Variants in VPS13B observed in about 807,000 individuals in gnomAD.
VPS13B encodes vacuolar protein sorting 13 homolog B.
Under a neutral mutation model 426.4 loss-of-function variants are expected in VPS13B, and 285 were observed. That is an observed-to-expected ratio of 0.67 (90% CI 0.61 to 0.74). The LOEUF (loss-of-function observed/expected upper bound fraction) is 0.74. VPS13B is among the 30% of genes least tolerant of loss of function. VPS13B has a pLI of 0.00. For synonymous variants in VPS13B, 1,676 were observed against 1,676.4 expected, an observed-to-expected ratio of 1.00 and a Z score of 0.01; for missense variants, 4,537 against 4,782.6, an observed-to-expected ratio of 0.95 and a Z score of 1.51.
intron 30 of VPS13B, among the ~76,000 whole-genome samples, chr8:99,531,300 TGC>T (rs1262789891): frequency 6.6e-6 from 1 of 152,244 alleles, no homozygotes; most frequent in Non-Finnish European, 1.5e-5. Flanking sequence ...TGATTTTGAT[TGC>T]CATCAAGGTT....
At chr8:99,439,390 T>C (rs1817567873) in intron 22 of VPS13B, among the ~76,000 whole-genome samples, 1 of 152,114 alleles carries the variant, frequency 6.6e-6, no homozygotes, top group Non-Finnish European at 1.5e-5. Context: ...GTTTTAAGCT[T>C]TTTTAGGGCT....
chr8:99,200,433 T>C (rs1157838628), intron 17 of VPS13B, among the ~76,000 whole-genome samples: 1 of 152,128 alleles, frequency 6.6e-6, no homozygotes, highest in Non-Finnish European at 1.5e-5. Flanking sequence ...TAAATATAAT[T>C]GCTGGGTCAT....
intron 6 of VPS13B, among the ~76,000 whole-genome samples, chr8:99,111,899 G>C (rs1847389751): frequency 6.6e-6 from 1 of 152,092 alleles, no homozygotes; most frequent in African/African-American, 2.4e-5. Context: ...CCATCATCCA[G>C]ATAGTGAACA....
chr8:99,734,491 T>C (rs1833737619), intron 39 of VPS13B, among the ~76,000 whole-genome samples: 1 of 152,220 alleles, frequency 6.6e-6, no homozygotes, highest in South Asian at 2.1e-4. Flanking sequence ...GTAAGTGTTA[T>C]AACTAAAGGC....
At chr8:99,350,144 G>T (rs192886504) in intron 19 of VPS13B, among the ~76,000 whole-genome samples, 62 of 152,064 alleles carry the variant, frequency 4.1e-4, no homozygotes, top group African/African-American at 1.3e-3. Flanking sequence ...CAAGATGATG[G>T]CTTTTCAAAC....
chr8:99,227,888 A>G (rs1021071974), intron 17 of VPS13B, among the ~76,000 whole-genome samples: 7 of 152,140 alleles, frequency 4.6e-5, no homozygotes, highest in African/African-American at 7.2e-5. Flanking sequence ...TGATGACCCA[A>G]TGCTTAAGTT....
At chr8:99,826,206 G>A (rs1814673689) in intron 51 of VPS13B, among the ~76,000 whole-genome samples, 1 of 152,186 alleles carries the variant, frequency 6.6e-6, no homozygotes, top group African/African-American at 2.4e-5. Flanking sequence ...CCATGAGCAT[G>A]GAATGTTTTT....
chr8:99,190,108 A>G (rs1292534568), intron 16 of VPS13B, among the ~76,000 whole-genome samples: 1 of 152,110 alleles, frequency 6.6e-6, no homozygotes, highest in Non-Finnish European at 1.5e-5. Context: ...TGTATTTCGG[A>G]GATGTGTAGT....
chr8:99,763,805 G>A (rs1811066157), intron 39 of VPS13B, among the ~76,000 whole-genome samples: 3 of 152,142 alleles, frequency 2.0e-5, no homozygotes, highest in South Asian at 4.1e-4. Context: ...TAATGCCATG[G>A]ATATGTCACT....
At chr8:99,593,773 T>G (rs1427838804) in intron 33 of VPS13B, among the ~76,000 whole-genome samples, 1 of 151,980 alleles carries the variant, frequency 6.6e-6, no homozygotes, top group Non-Finnish European at 1.5e-5. Context: ...TGGATGGAGT[T>G]TAAAGCCATT....
intron 3 of VPS13B, among the ~76,000 whole-genome samples, chr8:99,092,341 T>C (rs1186918116): frequency 6.6e-6 from 1 of 152,142 alleles, no homozygotes; most frequent in Non-Finnish European, 1.5e-5. Context: ...TTTTGGAAAA[T>C]TGCAACCTAA....
At chr8:99,169,246 T>C (rs1382929225) in intron 15 of VPS13B, among the ~76,000 whole-genome samples, 1 of 152,056 alleles carries the variant, frequency 6.6e-6, no homozygotes, top group African/African-American at 2.4e-5. Context: ...TATCCATGTG[T>C]GTATTTCCAC....
chr8:99,364,065 A>AT (rs1307189077), intron 19 of VPS13B, among the ~76,000 whole-genome samples: 5 of 151,922 alleles, frequency 3.3e-5, no homozygotes, highest in Non-Finnish European at 7.4e-5. Context: ...GGGCTTTCTG[A>AT]TTTTCCCCAT....
chr8:99,164,441 G>A (rs1487294234), intron 15 of VPS13B, among the ~76,000 whole-genome samples: 2 of 152,174 alleles, frequency 1.3e-5, no homozygotes, highest in Non-Finnish European at 2.9e-5. Flanking sequence ...CCCTAAAAAG[G>A]TGCAGAGTCC....
At chr8:99,194,589 G>C (rs975097262) in intron 17 of VPS13B, among the ~76,000 whole-genome samples, 13 of 152,132 alleles carry the variant, frequency 8.5e-5, no homozygotes, top group African/African-American at 3.1e-4. Flanking sequence ...TGTCTTAAAC[G>C]ACAGAATTTC....
At chr8:99,863,354 T>G (rs891015114) in intron 58 of VPS13B, among the ~76,000 whole-genome samples, 40 of 152,120 alleles carry the variant, frequency 2.6e-4, no homozygotes, top group African/African-American at 9.4e-4. Context: ...CCAGAGGAAG[T>G]GACAATGAGG....
chr8:99,720,631 C>T (rs1833095663), intron 38 of VPS13B, 79 bp downstream of exon 38: 1 of 1,459,916 alleles, frequency 6.8e-7, no homozygotes, highest in African/African-American at 1.4e-5. Flanking sequence ...TAAATAAAAA[C>T]AATCAAGATG....
At chr8:99,791,107 C>A (rs1384846439) in intron 43 of VPS13B, among the ~76,000 whole-genome samples, 8 of 152,036 alleles carry the variant, frequency 5.3e-5, no homozygotes, top group Admixed American at 5.2e-4. Context: ...CCAAGAAGAA[C>A]AAGGGAGGTA....
intron 43 of VPS13B, among the ~76,000 whole-genome samples, chr8:99,801,184 A>G (rs553717589): frequency 6.6e-6 from 1 of 152,082 alleles, no homozygotes; most frequent in South Asian, 2.1e-4. Flanking sequence ...CTTCCTTCCT[A>G]TATCTCTCTC....
Sources: gnomAD v4.1 joint callset for allele counts (sites outside exome capture counted in the v4.1 genomes callset) on GRCh38, gnomAD v4.1.1 for gene constraint, MANE v1.5 for transcripts, NCBI Gene and HGNC (gene_info 2026-07-23, HGNC 2026-07-21) for gene names.